The following HS1BP3 variants were observed in gnomAD, a reference collection of about 807,000 sequenced individuals.
HS1BP3 encodes HCLS1 binding protein 3, also known as HCLS1-binding protein 3.
HS1BP3 carries 32 observed loss-of-function variants against 33.5 expected under a neutral mutation model. That is an observed-to-expected ratio of 0.95 (90% CI 0.72 to 1.28). The LOEUF (loss-of-function observed/expected upper bound fraction) is 1.28. Ranked by LOEUF, HS1BP3 falls within the 50% of genes most tolerant of loss-of-function variation. The probability of loss-of-function intolerance (pLI) is 0.00; values close to 1 mark genes in which losing one functional copy is unlikely to be tolerated. For synonymous variants in HS1BP3, 187 were observed against 209.2 expected (o/e 0.89, Z 0.92); for missense variants, 486 against 502.3 (o/e 0.97, Z 0.31).
In HS1BP3 at chr2:20,619,041, C is replaced by A. The variant is rs775987515; in HGVS notation, c.1125G>T (p.Leu375Phe). The A allele has an allele frequency of 5.0e-5, 80 of 1,614,046 alleles. No individual in the cohort carries two copies. The highest frequency in any genetic ancestry group is 6.7e-5 in the Non-Finnish European group (79 of 1,180,024). The change falls in exon 7 of 7, where the codon TTG becomes TTT. Residue 375 changes from leucine (L) to phenylalanine (F), a missense_variant. By Grantham distance (22) the Leu-to-Phe change is conservative (BLOSUM62 0). Coordinates refer to ENST00000304031, the MANE Select transcript of HS1BP3 (RefSeq NM_022460.4). ...GTGTATCGTGGTCCTGGATGTACTGCAAGATGTCCATCTCGTCCATGGCTT... is the reference window on the plus strand; with the variant it reads ...GTGTATCGTGGTCCTGGATGTACTGAAAGATGTCCATCTCGTCCATGGCTT... ...QIQAMDEMDI[L>F]QYIQDHDTPA... is the part of the protein sequence containing the mutation.
At chr2:20,613,696 G>C (rs72782378), downstream of HS1BP3, among the ~76,000 whole-genome samples, 1 of 152,164 alleles carries the variant, frequency 6.6e-6, no homozygotes, top group African/African-American at 2.4e-5. Flanking sequence ...CCCGTGGTGG[G>C]TGTCTACACA....
intron 4 of HS1BP3, among the ~76,000 whole-genome samples, chr2:20,634,190 C>T (rs994907710): frequency 3.9e-5 from 6 of 152,256 alleles, no homozygotes; most frequent in South Asian, 2.1e-4. Flanking sequence ...CCCCTGTGGG[C>T]GGCAGACTGT....
At chr2:20,637,288 C>T (rs1227926884) in intron 4 of HS1BP3, 1 of 152,242 alleles carries the variant, frequency 6.6e-6, no homozygotes, top group Non-Finnish European at 1.5e-5. Context: ...AAGCCTCACC[C>T]TTACCAAAAT....
At chr2:20,602,412 A>T (rs993443625) in intron 2 of HS1BP3, among the ~76,000 whole-genome samples, 1 of 152,128 alleles carries the variant, frequency 6.6e-6, no homozygotes, top group African/African-American at 2.4e-5. Flanking sequence ...CAAGATGCAT[A>T]CTTTCATTTT....
In HS1BP3 at chr2:20,599,031, C is replaced by A. The variant is rs546826985; in HGVS notation, c.179-766G>T. On this transcript the variant is annotated intron_variant, in intron 2 of 3. Coordinates refer to the HS1BP3 transcript ENST00000415264. ...GGGAGTGGGGGGAATGGGGTGAGGT[C>A]GGTGGAAACCAGAGACAAGCGCAGG... Among the ~76,000 whole-genome samples, 7 of 152,238 alleles carry A rather than the reference C, an allele frequency of 4.6e-5. No individual in the cohort carries two copies. The East Asian group carries it at 1.2e-3, about 25-fold the overall frequency.
chr2:20,631,213 T>TAA (rs1374603359), intron 4 of HS1BP3, among the ~76,000 whole-genome samples: 3 of 151,948 alleles, frequency 2.0e-5, no homozygotes, highest in Non-Finnish European at 4.4e-5. Context: ...CTCTGGGCCT[T>TAA]AAAAAGCAAA....
chr2:20,593,771 C>T (rs1353277084), intron 3 of HS1BP3, among the ~76,000 whole-genome samples: 1 of 152,180 alleles, frequency 6.6e-6, no homozygotes, highest in Non-Finnish European at 1.5e-5. Context: ...TCAGGCCTGC[C>T]CTGCTGCCCC....
Position 20,593,407 on chromosome 2 carries a change from G to T in HS1BP3, c.*13-613C>A, listed in dbSNP as rs375363366. Reference sequence around the variant, plus strand: ...TTTTGTTCACTGCTGTGTCCCAGCGGCTAGAACAACGCTTGACACTAGTTG... The same window carrying T: ...TTTTGTTCACTGCTGTGTCCCAGCGTCTAGAACAACGCTTGACACTAGTTG... On this transcript the variant is annotated intron_variant, in intron 3 of 3. Transcript: ENST00000415264. 4.7e-4 allele frequency among the ~76,000 whole-genome samples: 71 copies of T among 152,256 alleles called. No homozygotes were observed. The South Asian group carries it at 0.015, about 31-fold the overall frequency.
chr2:20,572,036 A>G (rs1374282557), intron 5 of HS1BP3, among the ~76,000 whole-genome samples: 2 of 152,250 alleles, frequency 1.3e-5, no homozygotes, highest in Non-Finnish European at 2.9e-5. Context: ...CTAAAGTCAC[A>G]GAGCTAAGAG....
chr2:20,567,464 C>T (rs1693158535), intron 5 of HS1BP3, among the ~76,000 whole-genome samples: 1 of 152,164 alleles, frequency 6.6e-6, no homozygotes, highest in African/African-American at 2.4e-5. Context: ...GTCCCCATAC[C>T]CACCCTCGCC....
intron 2 of HS1BP3, among the ~76,000 whole-genome samples, chr2:20,642,557 G>A (rs939018009): frequency 2.0e-5 from 3 of 152,240 alleles, no homozygotes; most frequent in Non-Finnish European, 2.9e-5. Context: ...AGCAGGCCAC[G>A]GTGGGGGCCG....
chr2:20,558,667 C>T (rs111820335), downstream of HS1BP3, among the ~76,000 whole-genome samples: 7 of 152,338 alleles, frequency 4.6e-5, no homozygotes, highest in South Asian at 2.1e-4. Flanking sequence ...GACACAGGAA[C>T]AGGGCCCAGC....
rs1208671992 is a variant in HS1BP3, at chr2:20,618,645, G to A, written c.*342C>T. 1 of 1,095,248 alleles carries A rather than the reference G, an allele frequency of 9.1e-7. No homozygotes were observed. Among genetic ancestry groups the A allele is most frequent in the Non-Finnish European group, 1.1e-6 (1 of 888,390 alleles). 67.8% of individuals were successfully genotyped at this position (1,095,248 alleles called of 1,614,324 possible). A position where few individuals can be genotyped will look rare whatever the true frequency, so the allele number is the denominator to read the frequency against. ...GGCATGAAGCTTCCCTGCCCCATGT[G>A]ACACCTCGCTACGGCCCCACATGTC... On this transcript the variant is annotated 3_prime_UTR_variant, in exon 7 of 7. Transcript: ENST00000304031.
intron 3 of HS1BP3, among the ~76,000 whole-genome samples, chr2:20,595,400 A>C (rs1034135506): frequency 2.0e-5 from 3 of 152,152 alleles, no homozygotes; most frequent in Non-Finnish European, 4.4e-5. Flanking sequence ...ACTCACCAGG[A>C]GCAGAACCCT....
chr2:20,619,117 G>A lies in HS1BP3; in HGVS notation c.1049C>T (p.Ala350Val), dbSNP rs745357270. 27 of 1,614,078 alleles carry A rather than the reference G, an allele frequency of 1.7e-5. No individual in the cohort carries two copies. The highest frequency in any genetic ancestry group is 3.3e-5 in the South Asian group (3 of 91,084). ...IPRKPAVPPK[A>V]GPAEAVAGQQ... ...CCCAGCCACAGCTTCAGCCGGGCCC[G>A]CTTTGGGGGGAACAGCTGGTTTTCT... The change falls in exon 7 of 7, where the codon GCG (alanine) becomes GTG (valine). Residue 350 changes from alanine to valine, a missense_variant. Coordinates refer to ENST00000304031, the MANE Select transcript of HS1BP3 (RefSeq NM_022460.4).
At chr2:20,607,113 TGTTGA>T (rs138027831) in intron 2 of HS1BP3, among the ~76,000 whole-genome samples, 1,852 of 152,170 alleles carry the variant, frequency 0.012, 42 homozygotes, top group African/African-American at 0.043. Flanking sequence ...CTTTGATTTA[TGTTGA>T]GTTAATTTTT....
intron 5 of HS1BP3, among the ~76,000 whole-genome samples, chr2:20,567,114 C>T (rs1429193996): frequency 6.6e-6 from 1 of 152,162 alleles, no homozygotes; most frequent in Non-Finnish European, 1.5e-5. Flanking sequence ...GTCAATAACA[C>T]GATCTGATGA....
At position 20,617,988 on chromosome 2, in the gene HS1BP3, G is replaced by A. The variant is rs1460185496; in HGVS notation, c.*999C>T. Reference sequence around the variant, plus strand: ...TGGGAAGGCAGCTCCACTGGTGAAAGGCCACTGACCAAGTCCAGACCCTGA... The same window carrying A: ...TGGGAAGGCAGCTCCACTGGTGAAAAGCCACTGACCAAGTCCAGACCCTGA... On this transcript the variant is annotated 3_prime_UTR_variant, in exon 7 of 7. Coordinates refer to ENST00000304031, the MANE Select transcript of HS1BP3 (RefSeq NM_022460.4). 1 of 152,608 alleles carries A rather than the reference G, an allele frequency of 6.6e-6. No homozygotes were observed. Among genetic ancestry groups the A allele is most frequent in the African/African-American group, 2.4e-5 (1 of 41,458 alleles). 9.5% of individuals were successfully genotyped at this position (152,608 alleles called of 1,614,324 possible). A position where few individuals can be genotyped will look rare whatever the true frequency, so the allele number is the denominator to read the frequency against.
chr2:20,554,963 G>T, the HS1BP3 span, among the ~76,000 whole-genome samples: 1 of 152,108 alleles, frequency 6.6e-6, no homozygotes, highest in African/African-American at 2.4e-5. Context: ...GCTCCTCCTG[G>T]CCCAGCATCC....
Sources: gnomAD v4.1 joint callset for allele counts (sites outside exome capture counted in the v4.1 genomes callset) on GRCh38, gnomAD v4.1.1 for gene constraint, MANE v1.5 for transcripts, NCBI Gene and HGNC (gene_info 2026-07-23, HGNC 2026-07-21) for gene names.